The following PLA2G4A variants were observed in gnomAD, a reference collection of about 807,000 sequenced individuals.
The protein encoded by PLA2G4A is cytosolic phospholipase A2.
A neutral mutation model predicts 81.9 loss-of-function variants in PLA2G4A; 40 were observed. The observed-to-expected ratio is 0.49, with a 90% CI of 0.38 to 0.64. The LOEUF is 0.64. PLA2G4A is among the 30% of genes least tolerant of loss of function. PLA2G4A has a pLI of 0.00. For missense variants in PLA2G4A, 715 were observed against 905.1 expected, an observed-to-expected ratio of 0.79 and a Z score of 2.69; for synonymous variants, 302 against 296.9, an observed-to-expected ratio of 1.02 and a Z score of -0.18.
intron 1 of PLA2G4A, among the ~76,000 whole-genome samples, chr1:186,836,256 ATTAG>A (rs1304616825): frequency 6.6e-6 from 1 of 151,082 alleles, no homozygotes; most frequent in African/African-American, 2.4e-5. Context: ...CAGGTAAATC[ATTAG>A]TTATTCAATA....
chr1:186,868,284 G>T (rs1653110448), intron 2 of PLA2G4A, among the ~76,000 whole-genome samples: 1 of 151,952 alleles, frequency 6.6e-6, no homozygotes, highest in Non-Finnish European at 1.5e-5. Flanking sequence ...CACCATGTTA[G>T]CCAGGCTGGT....
At chr1:186,944,951 T>C (rs887643981) in intron 10 of PLA2G4A, among the ~76,000 whole-genome samples, 2 of 152,060 alleles carry the variant, frequency 1.3e-5, no homozygotes, top group Non-Finnish European at 2.9e-5. Flanking sequence ...TACAAACAAA[T>C]GAGTAACAAA....
intron 1 of PLA2G4A, among the ~76,000 whole-genome samples, chr1:186,830,565 G>C (rs1237812251): frequency 8.0e-6 from 1 of 125,578 alleles, no homozygotes; most frequent in South Asian, 2.4e-4. Context: ...CCAAGATCGC[G>C]CCATTGCACT....
At chr1:186,915,975 T>A (rs1655121985) in intron 7 of PLA2G4A, among the ~76,000 whole-genome samples, 1 of 152,162 alleles carries the variant, frequency 6.6e-6, no homozygotes, top group Non-Finnish European at 1.5e-5. Context: ...CAGGTACTAA[T>A]TCTCGGGCTT....
chr1:186,860,425 C>CA (rs35131542), intron 2 of PLA2G4A, among the ~76,000 whole-genome samples: 128,536 of 151,930 alleles, frequency 0.85, 54,573 homozygotes, highest in African/African-American at 0.91. Context: ...GGAGCTGTCT[C>CA]GCTCAGTGAG....
Position 186,932,851 on chromosome 1 carries a change from G to A in PLA2G4A, c.647G>A (p.Gly216Glu), listed in dbSNP as rs1655805198. The A allele has an allele frequency of 2.5e-6, 4 of 1,613,252 alleles. No individual in the cohort carries two copies. Among genetic ancestry groups the A allele is most frequent in the Non-Finnish European group, 3.4e-6 (4 of 1,179,250 alleles). ...GTGATGAAGGCATTATACGAATCAG[G>A]AATTCTGGATTGTGCTACCTACGTT... is the stretch of plus-strand genomic sequence containing the variant. ...SGVMKALYES[G>E]ILDCATYVAG... Residue 216 changes from glycine to glutamate, a missense_variant, in exon 8 of 18, where the codon GGA (glycine) becomes GAA (glutamate). Gly to Glu is a moderately conservative substitution (Grantham distance 98). Coordinates refer to ENST00000367466, the MANE Select transcript of PLA2G4A (RefSeq NM_024420.3).
chr1:186,872,897 AC>A (rs1336781246), intron 3 of PLA2G4A, among the ~76,000 whole-genome samples: 1 of 152,100 alleles, frequency 6.6e-6, no homozygotes, highest in Non-Finnish European at 1.5e-5. Context: ...AAAGTGAAGG[AC>A]CCATGGAAGG....
At chr1:186,935,876 G>T (rs1265029395) in intron 8 of PLA2G4A, among the ~76,000 whole-genome samples, 2 of 151,986 alleles carry the variant, frequency 1.3e-5, no homozygotes, top group Admixed American at 1.3e-4. Flanking sequence ...GATCACAAAA[G>T]AGAATTTTAG....
intron 8 of PLA2G4A, 81 bp downstream of exon 8, chr1:186,932,980 G>T: frequency 2.0e-6 from 2 of 1,022,006 alleles, no homozygotes; most frequent in Non-Finnish European, 3.0e-6. Flanking sequence ...AGAGAAAAGG[G>T]GATTTAGAAA....
chr1:186,954,669 T>TC (rs1334576948), intron 13 of PLA2G4A, among the ~76,000 whole-genome samples: 2 of 150,890 alleles, frequency 1.3e-5, no homozygotes, highest in Non-Finnish European at 3.0e-5. Context: ...AGAATCTCTT[T>TC]TTTCTCTTTA....
At chr1:186,960,899 T>C (rs1034500541) in intron 14 of PLA2G4A, among the ~76,000 whole-genome samples, 4 of 152,336 alleles carry the variant, frequency 2.6e-5, no homozygotes, top group Admixed American at 1.3e-4. Flanking sequence ...TTGAATTTTG[T>C]CTTTCTCAAG....
rs540331242 is a variant in PLA2G4A at position 186,951,467 on chromosome 1, C to G, written c.1336+739C>G. On this transcript the variant is annotated intron_variant, in intron 13 of 17. Coordinates refer to ENST00000367466, the MANE Select transcript of PLA2G4A (RefSeq NM_024420.3). The stretch of plus-strand genomic sequence containing the variant: ...TTCCCAATAGTTAAAAAAAAGCCAA[C>G]AAACAAAAACAAAAACAACAACAAC... Among the ~76,000 whole-genome samples, 291 of 149,310 alleles carry G rather than the reference C, an allele frequency of 1.9e-3. 2 individuals are homozygous for G. Among genetic ancestry groups the G allele is most frequent in the African/African-American group, 6.9e-3 (282 of 40,674 alleles).
intron 14 of PLA2G4A, among the ~76,000 whole-genome samples, chr1:186,960,744 A>C (rs1388079612): frequency 6.6e-6 from 1 of 152,210 alleles, no homozygotes; most frequent in Non-Finnish European, 1.5e-5. Flanking sequence ...GCCTCAATTT[A>C]CTTATAAAAT....
chr1:186,950,599 A>ATTT (rs1656520845), intron 12 of PLA2G4A, 58 bp from the exon 13 acceptor site: 1 of 917,746 alleles, frequency 1.1e-6, no homozygotes, highest in Non-Finnish European at 1.8e-6. Flanking sequence ...TTTATATTAA[A>ATTT]ATTAATTGTT....
At chr1:186,962,502 A>AT (rs1656989087) in intron 14 of PLA2G4A, among the ~76,000 whole-genome samples, 1 of 118,960 alleles carries the variant, frequency 8.4e-6, no homozygotes, top group African/African-American at 5.8e-5. Context: ...TTATTTATTT[A>AT]TTTATTTATT....
chr1:186,914,201 T>TAAGAG (rs966508287), intron 7 of PLA2G4A, among the ~76,000 whole-genome samples: 14 of 152,152 alleles, frequency 9.2e-5, no homozygotes, highest in African/African-American at 3.4e-4. Flanking sequence ...GTGATCCTCT[T>TAAGAG]GCCTCAGTCT....
intron 7 of PLA2G4A, among the ~76,000 whole-genome samples, chr1:186,930,184 C>T (rs886636946): frequency 2.6e-5 from 4 of 152,262 alleles, no homozygotes; most frequent in Admixed American, 1.3e-4. Flanking sequence ...GCATGCTTAA[C>T]AAATGAAGGT....
At chr1:186,892,443 T>A (rs1455709967) in intron 3 of PLA2G4A, among the ~76,000 whole-genome samples, 2 of 152,202 alleles carry the variant, frequency 1.3e-5, no homozygotes, top group Non-Finnish European at 2.9e-5. Context: ...AACATTTAAA[T>A]TTTTAATCCA....
At chr1:186,896,411 A>C (rs1250516459) in intron 5 of PLA2G4A, among the ~76,000 whole-genome samples, 1 of 152,236 alleles carries the variant, frequency 6.6e-6, no homozygotes, top group East Asian at 1.9e-4. Context: ...AGGGCTTGGC[A>C]GATCCATTTT....
Sources: allele counts gnomAD v4.1 joint callset (sites outside exome capture counted in the v4.1 genomes callset), GRCh38; gene constraint gnomAD v4.1.1; transcripts MANE v1.5; gene names NCBI Gene and HGNC (gene_info 2026-07-23, HGNC 2026-07-21).